The following GABRG3 variants were observed in gnomAD, a reference collection of about 807,000 sequenced individuals.
The protein encoded by GABRG3 is gamma-aminobutyric acid type A receptor subunit gamma3.
Under a neutral mutation model 48.8 loss-of-function variants are expected in GABRG3, and 25 were observed. That is an observed-to-expected ratio of 0.51 (90% CI 0.37 to 0.72). The LOEUF (loss-of-function observed/expected upper bound fraction) is 0.72. GABRG3 is among the 30% of genes least tolerant of loss of function. GABRG3 has a pLI of 0.00. For synonymous variants in GABRG3, 227 were observed against 217.6 expected (o/e 1.04, Z -0.38); for missense variants, 394 against 577.9 (o/e 0.68, Z 3.26).
At chr15:27,258,711 TCCA>T (rs371640270) in intron 3 of GABRG3, among the ~76,000 whole-genome samples, 265 of 152,356 alleles carry the variant, frequency 1.7e-3, no homozygotes, top group African/African-American at 6.0e-3. Flanking sequence ...AATTAGCATA[TCCA>T]CCACCTCAAA....
At chr15:27,218,737 G>T (rs142291139) in intron 3 of GABRG3, among the ~76,000 whole-genome samples, 1 of 152,154 alleles carries the variant, frequency 6.6e-6, no homozygotes, top group African/African-American at 2.4e-5. Flanking sequence ...ATGAGGTTTA[G>T]CATAGTGCTC....
At chr15:27,329,640 T>C (rs1893738396) in intron 5 of GABRG3, among the ~76,000 whole-genome samples, 3 of 152,248 alleles carry the variant, frequency 2.0e-5, no homozygotes. Flanking sequence ...ATTTTACTTA[T>C]ATTTGTCTCA....
At chr15:27,208,854 A>G (rs1888969878) in intron 3 of GABRG3, among the ~76,000 whole-genome samples, 1 of 152,366 alleles carries the variant, frequency 6.6e-6, no homozygotes, top group South Asian at 2.1e-4. Context: ...GATTCTATGC[A>G]AAGAAACTAA....
intron 3 of GABRG3, among the ~76,000 whole-genome samples, chr15:27,318,544 A>C (rs1268324074): frequency 1.3e-5 from 2 of 152,204 alleles, no homozygotes; most frequent in Non-Finnish European, 2.9e-5. Flanking sequence ...TGACAGAGTC[A>C]GAAATTCCAG....
intron 5 of GABRG3, among the ~76,000 whole-genome samples, chr15:27,421,895 A>G (rs1426911020): frequency 7.6e-5 from 11 of 144,566 alleles, no homozygotes; most frequent in East Asian, 2.1e-4. Flanking sequence ...ACCAATACTG[A>G]GTGTTCTAAG....
At chr15:27,502,326 A>T (rs1890660613) in intron 6 of GABRG3, among the ~76,000 whole-genome samples, 1 of 152,326 alleles carries the variant, frequency 6.6e-6, no homozygotes, top group East Asian at 1.9e-4. Context: ...ATTGAAATTT[A>T]GTTGTAAGAA....
intron 5 of GABRG3, among the ~76,000 whole-genome samples, chr15:27,400,501 T>C (rs574996618): frequency 6.6e-6 from 1 of 152,360 alleles, no homozygotes; most frequent in African/African-American, 2.4e-5. Flanking sequence ...TTAGTTCCTT[T>C]CACTTTATTA....
At chr15:27,217,478 A>G (rs1159852847) in intron 3 of GABRG3, among the ~76,000 whole-genome samples, 1 of 152,096 alleles carries the variant, frequency 6.6e-6, no homozygotes, top group East Asian at 1.9e-4. Flanking sequence ...CTGGCCCTAC[A>G]TGGGACCTTC....
chr15:27,010,680 A>G (rs573569217), intron 2 of GABRG3, among the ~76,000 whole-genome samples: 48 of 152,054 alleles, frequency 3.2e-4, no homozygotes, highest in African/African-American at 9.6e-4. Flanking sequence ...GTTGTTCTCT[A>G]TTTAAAAACA....
intron 2 of GABRG3, among the ~76,000 whole-genome samples, chr15:27,013,638 T>C (rs1197093517): frequency 6.6e-6 from 1 of 152,108 alleles, no homozygotes; most frequent in Non-Finnish European, 1.5e-5. Context: ...TTTTCTCATT[T>C]TGTAGTCTTG....
chr15:27,122,806 A>G (rs1897754411), intron 3 of GABRG3, among the ~76,000 whole-genome samples: 1 of 152,222 alleles, frequency 6.6e-6, no homozygotes, highest in African/African-American at 2.4e-5. Flanking sequence ...TTGCACTTGA[A>G]GCTTAGTAAA....
At chr15:26,980,405 C>T (rs879352392) in intron 2 of GABRG3, among the ~76,000 whole-genome samples, 13 of 151,954 alleles carry the variant, frequency 8.6e-5, no homozygotes, top group South Asian at 6.2e-4. Context: ...TGGCCGGGTG[C>T]GGTGGCTCAT....
chr15:27,153,523 T>C (rs537658278), intron 3 of GABRG3, among the ~76,000 whole-genome samples: 15 of 152,300 alleles, frequency 9.8e-5, no homozygotes, highest in African/African-American at 3.6e-4. Context: ...ATGAAATATT[T>C]TTAAATAATT....
chr15:27,310,801 G>T (rs1892968432), intron 3 of GABRG3, among the ~76,000 whole-genome samples: 1 of 152,096 alleles, frequency 6.6e-6, no homozygotes, highest in African/African-American at 2.4e-5. Flanking sequence ...AAACTGATTA[G>T]AGTCTAGAAC....
intron 5 of GABRG3, among the ~76,000 whole-genome samples, chr15:27,425,345 G>A (rs539004759): frequency 5.9e-5 from 9 of 151,606 alleles, no homozygotes; most frequent in African/African-American, 2.2e-4. Flanking sequence ...GTTAGTGTCA[G>A]AAGTGATGGT....
chr15:27,392,365 T>C (rs758802591), intron 5 of GABRG3, among the ~76,000 whole-genome samples: 9 of 152,190 alleles, frequency 5.9e-5, no homozygotes, highest in Non-Finnish European at 1.2e-4. Context: ...CCTGACATTT[T>C]TGGGGATGAC....
intron 3 of GABRG3, among the ~76,000 whole-genome samples, chr15:27,082,283 A>T (rs1211112038): frequency 6.6e-6 from 1 of 152,238 alleles, no homozygotes; most frequent in Non-Finnish European, 1.5e-5. Flanking sequence ...AAGCCACCCA[A>T]TTTCACATGA....
intron 3 of GABRG3, among the ~76,000 whole-genome samples, chr15:27,234,584 G>A (rs1167006489): frequency 6.6e-6 from 1 of 151,956 alleles, no homozygotes; most frequent in Non-Finnish European, 1.5e-5. Flanking sequence ...ACACATTCTC[G>A]GTTCTGGAGA....
chr15:27,258,255 T>G (rs1890679354), intron 3 of GABRG3, among the ~76,000 whole-genome samples: 2 of 152,202 alleles, frequency 1.3e-5, no homozygotes, highest in African/African-American at 4.8e-5. Context: ...CTTATTTCAG[T>G]ATCATGGTAA....
Sources: gnomAD v4.1 joint callset for allele counts (sites outside exome capture counted in the v4.1 genomes callset) on GRCh38, gnomAD v4.1.1 for gene constraint, MANE v1.5 for transcripts, NCBI Gene and HGNC (gene_info 2026-07-23, HGNC 2026-07-21) for gene names.